TPO: variants seen among roughly 807,000 people sequenced by gnomAD.
TPO encodes thyroid peroxidase, also known as thyroid microsomal antigen.
TPO carries 78 observed loss-of-function variants against 96.9 expected under a neutral mutation model. The observed-to-expected ratio is 0.81, with a 90% CI of 0.67 to 0.97. The LOEUF (loss-of-function observed/expected upper bound fraction) is 0.97. Among genes scored for constraint, TPO ranks in the 50% least tolerant of loss-of-function variants. The pLI, the probability that TPO is intolerant of heterozygous loss-of-function variation, is 0.00. For missense variants in TPO, 1,252 were observed against 1,274.8 expected (o/e 0.98, Z 0.27); for synonymous variants, 547 against 538.0 (o/e 1.02, Z -0.23).
intron 3 of TPO, among the ~76,000 whole-genome samples, chr2:1,428,634 T>G (rs1664670565): frequency 6.6e-6 from 1 of 152,184 alleles, no homozygotes; most frequent in Admixed American, 6.5e-5. Flanking sequence ...AGGTGAGCCC[T>G]CGAGTGGGTG....
upstream of TPO, among the ~76,000 whole-genome samples, chr2:1,409,809 CAT>C (rs1553293746): frequency 2.0e-5 from 3 of 151,552 alleles, no homozygotes; most frequent in African/African-American, 7.3e-5. Context: ...CACACACACA[CAT>C]GCACGTGCAC....
Position 1,375,189 on chromosome 2 carries a change from A to C in TPO, n.180+787A>C, listed in dbSNP as rs117972577. Among the ~76,000 whole-genome samples, 103 of 152,262 alleles carry C rather than the reference A, an allele frequency of 6.8e-4. 1 individual carries two copies. In the East Asian group the frequency reaches 0.016, roughly 24 times the overall value. ...TTGACCACGCATTGCTTAGGGCTGAAAAATCATGTTGGTTAGGCAGACGAT... is the reference window on the plus strand; with the variant it reads ...TTGACCACGCATTGCTTAGGGCTGACAAATCATGTTGGTTAGGCAGACGAT... On this transcript the variant is annotated intron_variant and non_coding_transcript_variant, in intron 1 of 5. Coordinates refer to the TPO transcript ENST00000497517.
Position 1,540,689 on chromosome 2 carries a change from C to G in TPO, c.2714C>G (p.Ser905Ter), listed in dbSNP as rs372370924. ...RCGKHQAVGT[S>*]PQRAAAQDSE... is the part of the protein sequence containing the mutation. ...GGAAAGCACCAGGCCGTAGGGACCT[C>G]ACCGCAGCGGGCCGCAGCTCAGGAC... The change falls in exon 16 of 17, where the codon TCA becomes TGA. Residue 905 changes from serine to a stop codon, truncating the protein, a stop_gained. Coordinates refer to ENST00000329066, the MANE Select transcript of TPO (RefSeq NM_001206744.2). LOFTEE classifies it low-confidence loss of function (END_TRUNC). The G allele has an allele frequency of 6.2e-7, 1 of 1,613,384 alleles. No individual in the cohort carries two copies. Among genetic ancestry groups the G allele is most frequent in the Admixed American group, 1.7e-5 (1 of 60,022 alleles).
At chr2:1,542,367 T>A in intron 16 of TPO, 54 bp from the exon 17 acceptor site, 1 of 1,609,290 alleles carries the variant, frequency 6.2e-7, no homozygotes, top group Non-Finnish European at 8.5e-7. Context: ...TGTGTGCTGT[T>A]ACTGGAGCAG....
chr2:1,438,832 C>A (rs575869343), intron 5 of TPO: 14 of 715,336 alleles, frequency 2.0e-5, no homozygotes, highest in Non-Finnish European at 3.6e-5. Context: ...GAAATATAAG[C>A]CCGACCATTC....
At chr2:1,453,473 G>A (rs1667498506) in intron 5 of TPO, among the ~76,000 whole-genome samples, 1 of 152,160 alleles carries the variant, frequency 6.6e-6, no homozygotes, top group Non-Finnish European at 1.5e-5. Context: ...GAGCTCGGGA[G>A]AGGGTGCCTG....
intron 7 of TPO, 143 bp from the exon 8 acceptor site, chr2:1,476,943 A>G (rs1227225132): frequency 9.5e-7 from 1 of 1,053,036 alleles, no homozygotes; most frequent in Non-Finnish European, 1.3e-6. Context: ...AGGTGAGGGG[A>G]CTGGCTGGAC....
At chr2:1,397,784 C>T (rs886214974) in intron 1 of TPO, among the ~76,000 whole-genome samples, 1 of 152,122 alleles carries the variant, frequency 6.6e-6, no homozygotes, top group Non-Finnish European at 1.5e-5. Flanking sequence ...CTGCTTTGCC[C>T]ATCAGAGGTG....
At chr2:1,459,789 C>G (rs1668231005) in intron 7 of TPO, among the ~76,000 whole-genome samples, 1 of 152,194 alleles carries the variant, frequency 6.6e-6, no homozygotes, top group South Asian at 2.1e-4. Context: ...CAGGTCCAGC[C>G]TCTGTCCCTG....
At chr2:1,375,859 CTTTG>C (rs1280854386) in intron 1 of TPO, among the ~76,000 whole-genome samples, 1 of 152,092 alleles carries the variant, frequency 6.6e-6, no homozygotes, top group African/African-American at 2.4e-5. Flanking sequence ...TCTCTGATTC[CTTTG>C]TTTGAGACAC....
At chr2:1,517,429 A>G (rs1158543524) in intron 15 of TPO, among the ~76,000 whole-genome samples, 1 of 152,204 alleles carries the variant, frequency 6.6e-6, no homozygotes, top group Admixed American at 6.5e-5. Context: ...CTGCTGTTGA[A>G]AGACTCAGAC....
chr2:1,521,502 C>T (rs1675261332), intron 15 of TPO, among the ~76,000 whole-genome samples: 1 of 152,178 alleles, frequency 6.6e-6, no homozygotes, highest in Admixed American at 6.5e-5. Context: ...CCCTCCTCCC[C>T]CAGGGCCCTC....
chr2:1,499,238 G>GACCTTCCGCCTGCCCTCTC (rs1382504245), intron 13 of TPO, among the ~76,000 whole-genome samples: 2 of 151,860 alleles, frequency 1.3e-5, no homozygotes, highest in Non-Finnish European at 2.9e-5. Flanking sequence ...CCTGCCCTCT[G>GACCTTCCGCCTGCCCTCTC]ACCTTCCACC....
At chr2:1,398,944 A>G (rs1662125482) in intron 1 of TPO, among the ~76,000 whole-genome samples, 1 of 152,214 alleles carries the variant, frequency 6.6e-6, no homozygotes, top group African/African-American at 2.4e-5. Flanking sequence ...CTCCAGGCCC[A>G]GGAGGCTGGG....
chr2:1,378,070 G>C (rs115733863), intron 1 of TPO, among the ~76,000 whole-genome samples: 6,346 of 152,232 alleles, frequency 0.042, 291 homozygotes, highest in South Asian at 0.11. Flanking sequence ...GGTTCTCATT[G>C]TCGCTTGTCT....
intron 5 of TPO, among the ~76,000 whole-genome samples, chr2:1,436,592 CA>C (rs1665598224): frequency 6.6e-6 from 1 of 152,206 alleles, no homozygotes; most frequent in Non-Finnish European, 1.5e-5. Flanking sequence ...TTCCCAGCCA[CA>C]ACGTCCCATC....
intron 8 of TPO, among the ~76,000 whole-genome samples, chr2:1,480,006 T>G (rs976640970): frequency 2.6e-5 from 4 of 152,318 alleles, no homozygotes; most frequent in South Asian, 2.1e-4. Flanking sequence ...GGTCTTGAAC[T>G]CCTTTCCTCA....
At chr2:1,463,583 ATAAATT>A in intron 7 of TPO, among the ~76,000 whole-genome samples, 2 of 152,340 alleles carry the variant, frequency 1.3e-5, no homozygotes, top group East Asian at 3.9e-4. Flanking sequence ...ACACGAGACT[ATAAATT>A]AAAGTGTTTT....
intron 15 of TPO, among the ~76,000 whole-genome samples, chr2:1,536,132 C>A (rs1322049821): frequency 7.1e-5 from 3 of 42,550 alleles, no homozygotes; most frequent in African/African-American, 8.6e-5. Flanking sequence ...CTCCCCAAAT[C>A]CCCCAATCTA....
Sources: gnomAD v4.1 joint callset for allele counts (sites outside exome capture counted in the v4.1 genomes callset) on GRCh38, gnomAD v4.1.1 for gene constraint, MANE v1.5 for transcripts, NCBI Gene and HGNC (gene_info 2026-07-23, HGNC 2026-07-21) for gene names.